LFNG: variants seen among roughly 807,000 people sequenced by gnomAD.
LFNG encodes LFNG O-fucosylpeptide 3-beta-N-acetylglucosaminyltransferase.
LFNG carries 15 observed loss-of-function variants against 32.7 expected under a neutral mutation model. That is an observed-to-expected ratio of 0.46 (90% CI 0.31 to 0.71). The LOEUF (loss-of-function observed/expected upper bound fraction) is 0.71. Among genes scored for constraint, LFNG ranks in the 30% least tolerant of loss-of-function variants. The pLI, the probability that LFNG is intolerant of heterozygous loss-of-function variation, is 0.06. For synonymous variants in LFNG, 274 were observed against 246.8 expected, an observed-to-expected ratio of 1.11 and a Z score of -1.03; for missense variants, 520 against 545.7, an observed-to-expected ratio of 0.95 and a Z score of 0.47.
At chr7:2,523,562 C>A (rs1056594309) in intron 1 of LFNG, 1 of 152,234 alleles carries the variant, frequency 6.6e-6, no homozygotes, top group East Asian at 1.9e-4. Context: ...CCGGGCGGCA[C>A]GCGCTGGGCG....
chr7:2,520,233 G>T lies in LFNG; in HGVS notation c.372G>T (p.Lys124Asn). Residue 124 changes from lysine (K) to asparagine (N), a missense_variant, in exon 1 of 8, where the codon AAG becomes AAT. Lys to Asn is a moderately conservative substitution (Grantham distance 94). Coordinates refer to ENST00000222725, the MANE Select transcript of LFNG (RefSeq NM_001040167.2). This position sits in a 1 kb window ranked among gnomAD's most constrained non-coding sequence, Gnocchi z 5.0. ...DVFIAVKTTK[K>N]FHRARLDLLL... is the part of the protein sequence containing the mutation. ...TCATCGCTGTCAAGACCACCAAAAA[G>T]TTCCACCGCGCGCGCCTCGACCTGC... is the stretch of plus-strand genomic sequence containing the variant. The T allele has an allele frequency of 1.9e-6, 3 of 1,610,058 alleles. No individual in the cohort carries two copies. The highest frequency in any genetic ancestry group is 2.5e-6 in the Non-Finnish European group (3 of 1,178,786).
chr7:2,514,687 C>T (rs1259340487), upstream of LFNG, among the ~76,000 whole-genome samples: 1 of 151,536 alleles, frequency 6.6e-6, no homozygotes, highest in Non-Finnish European at 1.5e-5. Flanking sequence ...CCTATCCTTC[C>T]AGCCATCCAT....
Position 2,527,984 on chromosome 7 carries a change from T to C in LFNG, c.*772T>C, listed in dbSNP as rs528949020. The stretch of plus-strand genomic sequence containing the variant: ...AAGTCGCCCACAGTGGGCGTGTCTG[T>C]AAATATTGTGACAGTATTTTTTTAC... On this transcript the variant is annotated 3_prime_UTR_variant, in exon 8 of 8. Coordinates refer to ENST00000222725, the MANE Select transcript of LFNG (RefSeq NM_001040167.2). The surrounding 1 kb of genome is among the most constrained non-coding windows in gnomAD (Gnocchi z 4.4). 1 of 984,912 alleles carries C rather than the reference T, an allele frequency of 1.0e-6. No homozygotes were observed. The highest frequency in any genetic ancestry group is 1.1e-4 in the East Asian group (1 of 8,766). The allele number at this position is 984,912 out of a possible 1,614,324, so 61.0% of individuals were successfully genotyped here.
At position 2,526,413 on chromosome 7, in the gene LFNG, C is replaced by G; in HGVS notation, c.987+4C>G. ...CACCTCGGAGCTCCACGAGCAGGTG[C>G]ACCATCCTCCGGGCCCCGCCAGGAC... is the stretch of plus-strand genomic sequence containing the variant. On this transcript the variant is annotated splice_donor_region_variant and intron_variant, in intron 6 of 7. Coordinates refer to ENST00000222725, the MANE Select transcript of LFNG (RefSeq NM_001040167.2). This position sits in a 1 kb window ranked among gnomAD's most constrained non-coding sequence, Gnocchi z 6.9. 1 of 1,605,996 alleles carries G rather than the reference C, an allele frequency of 6.2e-7. No homozygotes were observed. Among genetic ancestry groups the G allele is most frequent in the Non-Finnish European group, 8.5e-7 (1 of 1,179,864 alleles).
chr7:2,517,982 C>T, upstream of LFNG: 1 of 1,011,552 alleles, frequency 9.9e-7, no homozygotes, highest in South Asian at 2.0e-5. Context: ...TGGAGGCTGC[C>T]CAAGTGATTC....
Position 2,525,603 on chromosome 7 carries a change from G to GCGGAGCGCACACC in LFNG, c.735+42_735+54dup, listed in dbSNP as rs767827327. 27 of 1,611,926 alleles carry GCGGAGCGCACACC rather than the reference G, an allele frequency of 1.7e-5. No individual in the cohort carries two copies. The East Asian group carries it at 4.7e-4, about 28-fold the overall frequency. On this transcript the variant is annotated intron_variant, in intron 4 of 7. Transcript: ENST00000222725. ...GCCCCTCCCAGTCCCCCACGCCCAC[G>GCGGAGCGCACACC]CGGAGCGCACACCCGGAGTGGGGGT...
At chr7:2,517,828 C>T, upstream of LFNG, 1 of 1,218,204 alleles carries the variant, frequency 8.2e-7, no homozygotes, top group Non-Finnish European at 1.1e-6. Context: ...GCGTGAATAT[C>T]AGGCGGGACT....
In LFNG at chr7:2,525,568, G is replaced by A. The variant is rs763977366; in HGVS notation, c.735+1G>A. ...GGAGCGGGTCAGCGAGAACAAGGTG[G>A]TGAGTGCCTGCCCCTCCCAGTCCCC... On this transcript the variant is annotated splice_donor_variant, in intron 4 of 7. Coordinates refer to ENST00000222725, the MANE Select transcript of LFNG (RefSeq NM_001040167.2). LOFTEE classifies it high-confidence loss of function. The A allele has an allele frequency of 6.2e-7, 1 of 1,612,126 alleles. No individual in the cohort carries two copies. Among genetic ancestry groups the A allele is most frequent in the African/African-American group, 1.3e-5 (1 of 74,948 alleles).
At chr7:2,519,339 G>A (rs1312859810), upstream of LFNG, among the ~76,000 whole-genome samples, 1 of 152,170 alleles carries the variant, frequency 6.6e-6, no homozygotes, top group Non-Finnish European at 1.5e-5. Context: ...CTCAGGAGGG[G>A]AAGCGCACAG....
chr7:2,513,107 G>GA, upstream of LFNG: 7 of 1,598,562 alleles, frequency 4.4e-6, no homozygotes, highest in Non-Finnish European at 6.0e-6. Context: ...CTTTGGGCTG[G>GA]ACCCATTTTT....
At position 2,526,742 on chromosome 7, in the gene LFNG, G is replaced by A; in HGVS notation, c.988-94G>A. 1 of 1,166,208 alleles carries A rather than the reference G, an allele frequency of 8.6e-7. No homozygotes were observed. Among genetic ancestry groups the A allele is most frequent in the Non-Finnish European group, 1.3e-6 (1 of 782,856 alleles). The allele number at this position is 1,166,208 out of a possible 1,614,324, so 72.2% of individuals were successfully genotyped here. The stretch of plus-strand genomic sequence containing the variant: ...TCCAGGTCCAAGGGAGGCCAGGGCA[G>A]GGCCGTTGCCTCACTCAGGGCTGTG... On this transcript the variant is annotated intron_variant, in intron 6 of 7. Transcript: ENST00000222725. The surrounding 1 kb of genome is among the most constrained non-coding windows in gnomAD (Gnocchi z 6.9).
At chr7:2,515,042 CCA>C (rs1779590936), upstream of LFNG, among the ~76,000 whole-genome samples, 7 of 60,152 alleles carry the variant, frequency 1.2e-4, no homozygotes, top group South Asian at 4.0e-3. Flanking sequence ...ATCCATCCAT[CCA>C]TCTGTCCATC....
rs1373783057 is a variant in LFNG at position 2,527,529 on chromosome 7, C to T, written c.*317C>T. 15 of 1,309,796 alleles carry T rather than the reference C, an allele frequency of 1.1e-5. No individual in the cohort carries two copies. The highest frequency in any genetic ancestry group is 3.0e-5 in the African/African-American group (2 of 66,752). 81.1% of individuals were successfully genotyped at this position (1,309,796 alleles called of 1,614,324 possible). ...GGCAATTCTGTTAGGATTTTTGGATCTTTCTACAGCTACGGGGCTCCGGGC... is the reference window on the plus strand; with the variant it reads ...GGCAATTCTGTTAGGATTTTTGGATTTTTCTACAGCTACGGGGCTCCGGGC... On this transcript the variant is annotated 3_prime_UTR_variant, in exon 8 of 8. Transcript: ENST00000222725. This position sits in a 1 kb window ranked among gnomAD's most constrained non-coding sequence, Gnocchi z 4.4.
chr7:2,524,671 T>C, intron 1 of LFNG, 24 bp from the exon 2 acceptor site: 1 of 1,571,764 alleles, frequency 6.4e-7, no homozygotes, highest in South Asian at 1.2e-5. Flanking sequence ...GGCTGCCTGC[T>C]GAAGGCCGAT....
upstream of LFNG, among the ~76,000 whole-genome samples, chr7:2,514,399 G>A (rs1315984968): frequency 1.3e-5 from 2 of 152,172 alleles, no homozygotes; most frequent in Non-Finnish European, 1.5e-5. Context: ...TCACATCACG[G>A]TCCCGCTGTC....
chr7:2,513,878 C>T (rs762247960), upstream of LFNG, among the ~76,000 whole-genome samples: 10 of 152,238 alleles, frequency 6.6e-5, no homozygotes, highest in Non-Finnish European at 8.8e-5. Flanking sequence ...CAGACAGAAG[C>T]GCCAGAAAGA....
At chr7:2,524,500 G>A in intron 1 of LFNG, 195 bp from the exon 2 acceptor site, 1 of 651,206 alleles carries the variant, frequency 1.5e-6, no homozygotes, top group South Asian at 1.7e-5. Context: ...CGTGAGCTCT[G>A]GCCCAGATGG....
At position 2,525,508 on chromosome 7, in the gene LFNG, G is replaced by A. The variant is rs1456065380; in HGVS notation, c.676G>A (p.Gly226Ser). The change falls in exon 4 of 8, where the codon GGC becomes AGC. Residue 226 changes from glycine (G) to serine (S), a missense_variant. Coordinates refer to ENST00000222725, the MANE Select transcript of LFNG (RefSeq NM_001040167.2). Reference sequence around the variant, plus strand: ...CCCGCACACGCGGGACGTCTACGTCGGCAAGCCCAGCCTGGACAGGCCCAT... The same window carrying A: ...CCCGCACACGCGGGACGTCTACGTCAGCAAGCCCAGCCTGGACAGGCCCAT... Reference protein sequence around the residue: ...SYPHTRDVYVGKPSLDRPIQA... With the variant: ...SYPHTRDVYVSKPSLDRPIQA... 2 of 1,612,290 alleles carry A rather than the reference G, an allele frequency of 1.2e-6. No homozygotes were observed. The highest frequency in any genetic ancestry group is 1.7e-6 in the Non-Finnish European group (2 of 1,179,838).
Position 2,526,484 on chromosome 7 carries a change from T to C in LFNG, c.987+75T>C, listed in dbSNP as rs1433670159. ...CGTGTGGCTGCCGAGAGGGGCGCAGTGGGGTGGGGCACTGTTCTAAACAGG... is the reference window on the plus strand; with the variant it reads ...CGTGTGGCTGCCGAGAGGGGCGCAGCGGGGTGGGGCACTGTTCTAAACAGG... On this transcript the variant is annotated intron_variant, in intron 6 of 7. Transcript: ENST00000222725. This position sits in a 1 kb window ranked among gnomAD's most constrained non-coding sequence, Gnocchi z 6.9. 2 of 1,519,746 alleles carry C rather than the reference T, an allele frequency of 1.3e-6. No homozygotes were observed. The highest frequency in any genetic ancestry group is 4.5e-5 in the East Asian group (2 of 44,290). The allele number at this position is 1,519,746 out of a possible 1,614,324, so 94.1% of individuals were successfully genotyped here.
Sources: allele counts gnomAD v4.1 joint callset (sites outside exome capture counted in the v4.1 genomes callset), GRCh38; gene constraint gnomAD v4.1.1; non-coding constraint Gnocchi (gnomAD v3.1); transcripts MANE v1.5; gene names NCBI Gene and HGNC (gene_info 2026-07-23, HGNC 2026-07-21).